Variants in PARN observed in about 807,000 individuals in gnomAD.
The protein encoded by PARN is poly(A)-specific ribonuclease, also known as poly(A)-specific ribonuclease PARN.
A neutral mutation model predicts 102.8 loss-of-function variants in PARN; 71 were observed. The ratio of observed to expected loss-of-function variants is 0.69; its 90% CI spans 0.57 to 0.84. The LOEUF (loss-of-function observed/expected upper bound fraction) is 0.84. Ranked by LOEUF, PARN falls within the 40% of genes least tolerant of loss-of-function variation. The pLI is 0.00. For synonymous variants in PARN, 261 were observed against 252.9 expected, an observed-to-expected ratio of 1.03 and a Z score of -0.30; for missense variants, 782 against 760.9, an observed-to-expected ratio of 1.03 and a Z score of -0.33.
chr16:14,480,673 G>A (rs965657133), intron 22 of PARN, among the ~76,000 whole-genome samples: 3 of 152,164 alleles, frequency 2.0e-5, no homozygotes, highest in African/African-American at 7.2e-5. Context: ...AGGTGCAGTG[G>A]CTCACGCCTG....
At chr16:14,629,571 A>AGCCTGAGCTTGCAAGGGAGGGAT in intron 2 of PARN, 26 bp downstream of exon 2, 2 of 1,567,390 alleles carry the variant, frequency 1.3e-6, no homozygotes, top group Non-Finnish European at 1.8e-6. Context: ...GCAAAGTGCT[A>AGCCTGAGCTTGCAAGGGAGGGAT]GCCTGAGCTT....
intron 2 of PARN, among the ~76,000 whole-genome samples, chr16:14,628,657 G>C (rs555067337): frequency 1.3e-5 from 2 of 152,300 alleles, no homozygotes; most frequent in East Asian, 3.9e-4. Flanking sequence ...TCTATGCAAA[G>C]AATGTATCTT....
intron 21 of PARN, among the ~76,000 whole-genome samples, chr16:14,545,959 A>G (rs1350893103): frequency 1.3e-5 from 2 of 152,228 alleles, no homozygotes; most frequent in African/African-American, 2.4e-5. Flanking sequence ...AGCAAGTAAA[A>G]GGAGAAAAAA....
At chr16:14,471,374 A>G (rs543972816) in intron 22 of PARN, among the ~76,000 whole-genome samples, 7 of 152,212 alleles carry the variant, frequency 4.6e-5, no homozygotes, top group African/African-American at 7.2e-5. Context: ...TGAATTATCA[A>G]TAATTCATAA....
intron 21 of PARN, among the ~76,000 whole-genome samples, chr16:14,524,273 G>C (rs370248442): frequency 6.6e-6 from 1 of 151,962 alleles, no homozygotes; most frequent in Non-Finnish European, 1.5e-5. Context: ...GTAAGCTCTC[G>C]AAGAACAGCC....
chr16:14,501,294 CAATAATAATAATAAT>C (rs113060340), intron 21 of PARN, among the ~76,000 whole-genome samples: 5 of 142,162 alleles, frequency 3.5e-5, no homozygotes, highest in African/African-American at 7.7e-5. Flanking sequence ...AACAAAAAAA[CAATAATAATAATAAT>C]AATAATAATA....
chr16:14,454,823 GAAT>G (rs1021680537), intron 22 of PARN, among the ~76,000 whole-genome samples: 4 of 152,154 alleles, frequency 2.6e-5, no homozygotes, highest in Admixed American at 6.5e-5. Flanking sequence ...ACATGTTGTT[GAAT>G]AATGAGTTAT....
intron 21 of PARN, among the ~76,000 whole-genome samples, chr16:14,537,631 G>T (rs1249804998): frequency 1.3e-5 from 2 of 152,140 alleles, no homozygotes; most frequent in Non-Finnish European, 2.9e-5. Context: ...GTCATTTATG[G>T]CAACACAGAT....
At chr16:14,597,006 C>T (rs1204084881) in intron 12 of PARN, among the ~76,000 whole-genome samples, 1 of 152,022 alleles carries the variant, frequency 6.6e-6, no homozygotes, top group East Asian at 1.9e-4. Context: ...AGGCTGGTGT[C>T]GAACTCCCGA....
At chr16:14,521,659 G>T (rs1662029465) in intron 21 of PARN, among the ~76,000 whole-genome samples, 1 of 152,068 alleles carries the variant, frequency 6.6e-6, no homozygotes, top group Non-Finnish European at 1.5e-5. Flanking sequence ...TTAGCAGGGT[G>T]TAGTGGTACA....
intron 21 of PARN, among the ~76,000 whole-genome samples, chr16:14,485,109 G>A (rs1303077404): frequency 6.6e-6 from 1 of 152,210 alleles, no homozygotes; most frequent in Non-Finnish European, 1.5e-5. Context: ...CAAAGAAGTG[G>A]AGTGGGTTAC....
intron 22 of PARN, among the ~76,000 whole-genome samples, chr16:14,479,859 C>T (rs1458100375): frequency 6.7e-6 from 1 of 148,520 alleles, no homozygotes; most frequent in Non-Finnish European, 1.5e-5. Context: ...ACTCCACATA[C>T]ACAATTAATT....
At chr16:14,560,680 G>A (rs1967999127) in intron 18 of PARN, among the ~76,000 whole-genome samples, 2 of 152,184 alleles carry the variant, frequency 1.3e-5, no homozygotes, top group Non-Finnish European at 2.9e-5. Context: ...AGACTCCAGG[G>A]TAAAGCACAG....
intron 21 of PARN, among the ~76,000 whole-genome samples, chr16:14,521,480 G>C (rs912995909): frequency 1.3e-5 from 2 of 152,222 alleles, no homozygotes; most frequent in African/African-American, 4.8e-5. Flanking sequence ...GAACGCTTTT[G>C]CTTTCCATTT....
intron 22 of PARN, among the ~76,000 whole-genome samples, chr16:14,476,828 A>T (rs1006128783): frequency 3.3e-5 from 5 of 152,210 alleles, no homozygotes; most frequent in Non-Finnish European, 5.9e-5. Flanking sequence ...AAAAAACAAC[A>T]CAAAGAGGTA....
chr16:14,513,019 G>T (rs940125275), intron 21 of PARN, among the ~76,000 whole-genome samples: 12 of 152,086 alleles, frequency 7.9e-5, no homozygotes, highest in Admixed American at 2.0e-4. Context: ...TTACCTCCAG[G>T]ATTCAAGCGA....
At chr16:14,442,949 C>G (rs184174263) in intron 23 of PARN, among the ~76,000 whole-genome samples, 25 of 152,344 alleles carry the variant, frequency 1.6e-4, no homozygotes, top group Admixed American at 1.6e-3. Flanking sequence ...TGATCTAGAA[C>G]AGCTGCAAGA....
intron 21 of PARN, among the ~76,000 whole-genome samples, chr16:14,505,530 T>C (rs918523452): frequency 1.3e-5 from 2 of 151,880 alleles, no homozygotes; most frequent in African/African-American, 4.8e-5. Flanking sequence ...TACAACAAAT[T>C]GGGACAAGTA....
intron 23 of PARN, among the ~76,000 whole-genome samples, chr16:14,442,512 C>A (rs1960988185): frequency 6.6e-6 from 1 of 152,174 alleles, no homozygotes; most frequent in South Asian, 2.1e-4. Flanking sequence ...ACCATACTTA[C>A]AAGAAAAATA....
Sources: gnomAD v4.1 joint callset for allele counts (sites outside exome capture counted in the v4.1 genomes callset) on GRCh38, gnomAD v4.1.1 for gene constraint, MANE v1.5 for transcripts, NCBI Gene and HGNC (gene_info 2026-07-23, HGNC 2026-07-21) for gene names.